The following ARID1A variants were observed in gnomAD, a reference collection of about 807,000 sequenced individuals.
ARID1A encodes the protein AT-rich interactive domain-containing protein 1A.
Under a neutral mutation model 212.6 loss-of-function variants are expected in ARID1A, and 20 were observed. The ratio of observed to expected loss-of-function variants is 0.09; its 90% CI spans 0.07 to 0.14. The LOEUF (loss-of-function observed/expected upper bound fraction) is 0.14, where lower values mean the gene tolerates loss of function less well. Among genes scored for constraint, ARID1A ranks in the 10% least tolerant of loss-of-function variants. The pLI is 1.00. For missense variants in ARID1A, 2,587 were observed against 3,059.0 expected (o/e 0.85, Z 3.64); for synonymous variants, 1,376 against 1,222.1 (o/e 1.13, Z -2.63).
intron 1 of ARID1A, among the ~76,000 whole-genome samples, chr1:26,714,100 C>G (rs932301531): frequency 6.6e-6 from 1 of 152,138 alleles, no homozygotes; most frequent in African/African-American, 2.4e-5. Context: ...TTTAGAATGC[C>G]AAGTGTCCAT....
intron 1 of ARID1A, among the ~76,000 whole-genome samples, chr1:26,706,328 C>T (rs1298790801): frequency 1.3e-5 from 2 of 152,140 alleles, no homozygotes; most frequent in Non-Finnish European, 1.5e-5. Context: ...TAAACTTGTT[C>T]GTTTTCAGCT....
At chr1:26,777,256 C>T (rs1399648121) in intron 19 of ARID1A, among the ~76,000 whole-genome samples, 1 of 151,936 alleles carries the variant, frequency 6.6e-6, no homozygotes, top group Non-Finnish European at 1.5e-5. Context: ...ACAGGGTCTC[C>T]ATTACTCAAG....
intron 1 of ARID1A, among the ~76,000 whole-genome samples, chr1:26,711,114 C>CTT (rs572779178): frequency 6.9e-6 from 1 of 144,464 alleles, no homozygotes; most frequent in Non-Finnish European, 1.5e-5. Flanking sequence ...GTCTCTTGCT[C>CTT]TTTTTTTTTT....
In ARID1A at chr1:26,696,301, G is replaced by A. The variant is rs2080250411; in HGVS notation, c.-103G>A. 2.5e-6 allele frequency: 3 copies of A among 1,183,796 alleles called. No individual in the cohort carries two copies. The highest frequency in any genetic ancestry group is 6.6e-4 in the Middle Eastern group (2 of 3,040). The allele number at this position is 1,183,796 out of a possible 1,614,324, so 73.3% of individuals were successfully genotyped here. Reference sequence around the variant, plus strand: ...GAGCCCCGCGAGGCCCGCCCGGGCGGGTGGGGAGGGCAGCCCGGGGGACTG... The same window carrying A: ...GAGCCCCGCGAGGCCCGCCCGGGCGAGTGGGGAGGGCAGCCCGGGGGACTG... On this transcript the variant is annotated 5_prime_UTR_variant, in exon 1 of 20. Transcript: ENST00000324856.
At chr1:26,714,781 G>T (rs940998390) in intron 1 of ARID1A, among the ~76,000 whole-genome samples, 3 of 152,186 alleles carry the variant, frequency 2.0e-5, no homozygotes, top group Non-Finnish European at 4.4e-5. Flanking sequence ...GCCTGCTATA[G>T]TTCAGAGTGG....
intron 1 of ARID1A, among the ~76,000 whole-genome samples, chr1:26,705,063 A>G (rs2080375568): frequency 6.6e-6 from 1 of 152,012 alleles, no homozygotes; most frequent in South Asian, 2.1e-4. Flanking sequence ...GATGCATGGC[A>G]TGTCCAGTGC....
rs567246585 is a variant in ARID1A at position 26,696,875 on chromosome 1, C to T, written c.472C>T (p.Pro158Ser). ...YGFGQPYGRS[P>S]SAVAAAAAAV... ...CTTCGGGCAACCCTACGGCCGGAGC[C>T]CGTCTGCCGTCGCCGCCGCCGCGGC... The change falls in exon 1 of 20, where the codon CCG becomes TCG. Residue 158 changes from proline to serine, a missense_variant. By Grantham distance (74) the Pro-to-Ser change is moderately conservative. Transcript: ENST00000324856. 1.4e-3 allele frequency: 1,863 copies of T among 1,360,252 alleles called. 1 individual carries two copies. The highest frequency in any genetic ancestry group is 1.7e-3 in the Non-Finnish European group (1,760 of 1,057,894). The allele number at this position is 1,360,252 out of a possible 1,614,324, so 84.3% of individuals were successfully genotyped here. A position where few individuals can be genotyped will look rare whatever the true frequency, so the allele number is the denominator to read the frequency against.
At chr1:26,742,044 A>T (rs771809082) in intron 4 of ARID1A, among the ~76,000 whole-genome samples, 13 of 152,346 alleles carry the variant, frequency 8.5e-5, no homozygotes, top group Non-Finnish European at 1.5e-4. Context: ...TGAAAAACCA[A>T]GGGTCAGAAT....
At chr1:26,770,959 C>G in intron 11 of ARID1A, 160 bp from the exon 12 acceptor site, 1 of 645,616 alleles carries the variant, frequency 1.5e-6, no homozygotes, top group Non-Finnish European at 2.7e-6. Context: ...AGATTTAACA[C>G]TTCTTGTGGA....
intron 2 of ARID1A, among the ~76,000 whole-genome samples, chr1:26,730,570 G>T (rs547926647): frequency 1.1e-3 from 166 of 152,292 alleles, no homozygotes; most frequent in Non-Finnish European, 1.7e-3. Context: ...GAGGAGAGAT[G>T]AGGTAATTTT....
At chr1:26,760,765 T>A (rs2080983853) in intron 4 of ARID1A, 91 bp from the exon 5 acceptor site, 2 of 1,392,208 alleles carry the variant, frequency 1.4e-6, no homozygotes, top group Non-Finnish European at 2.0e-6. Context: ...CTTGGTTGTT[T>A]AAGGAAAATG....
intron 4 of ARID1A, among the ~76,000 whole-genome samples, chr1:26,760,650 T>C (rs1423670430): frequency 1.3e-5 from 2 of 152,108 alleles, no homozygotes; most frequent in South Asian, 4.2e-4. Context: ...GACGTGCCAT[T>C]GCACTCCAGC....
chr1:26,705,729 C>G (rs960760964), intron 1 of ARID1A, among the ~76,000 whole-genome samples: 1 of 152,170 alleles, frequency 6.6e-6, no homozygotes, highest in Non-Finnish European at 1.5e-5. Flanking sequence ...GAAATTACCC[C>G]TCCTCTCCAT....
Position 26,773,827 on chromosome 1 carries a change from T to C in ARID1A, c.4030T>C (p.Ser1344Pro), listed in dbSNP as rs1015375693. ...ACATGATTCCTATGGCAATCAGTTC[T>C]CCACCCAAGGCACCCCTTCTGGCAG... is the stretch of plus-strand genomic sequence containing the variant. ...QRHDSYGNQF[S>P]TQGTPSGSPF... is the part of the protein sequence containing the mutation. Residue 1344 changes from serine to proline, a missense_variant, in exon 17 of 20, where the codon TCC becomes CCC. By Grantham distance (74) the Ser-to-Pro change is moderately conservative. Around this residue, in one of 11 missense-constraint regions of ARID1A, gnomAD observed 890 missense variants for 1,098.2 expected, o/e 0.81. Coordinates refer to ENST00000324856, the MANE Select transcript of ARID1A (RefSeq NM_006015.6). 2 of 1,613,922 alleles carry C rather than the reference T, an allele frequency of 1.2e-6. No homozygotes were observed. Among genetic ancestry groups the C allele is most frequent in the Admixed American group, 3.3e-5 (2 of 59,994 alleles).
intron 11 of ARID1A, chr1:26,770,859 C>A: frequency 2.1e-6 from 1 of 472,844 alleles, no homozygotes; most frequent in Non-Finnish European, 3.7e-6. Context: ...GAATTCTGTT[C>A]CAGTAGTAAT....
chr1:26,763,258 A>G lies in ARID1A; in HGVS notation c.2705A>G (p.His902Arg). Reference protein sequence around the residue: ...RKTQETAVAMHVAANSIQNRP... With the variant: ...RKTQETAVAMRVAANSIQNRP... ...ACCCAAGAAACTGCTGTCGCCATGCATGTTGCTGCCAACTCTATCCAAAAC... is the reference window on the plus strand; with the variant it reads ...ACCCAAGAAACTGCTGTCGCCATGCGTGTTGCTGCCAACTCTATCCAAAAC... The change falls in exon 8 of 20, where the codon CAT (histidine) becomes CGT (arginine). Residue 902 changes from histidine to arginine, a missense_variant. Physicochemically the swap from His to Arg is conservative, Grantham distance 29. This residue lies in a region of ARID1A where 674 missense variants were observed against 813.4 expected (regional missense o/e 0.83). Coordinates refer to ENST00000324856, the MANE Select transcript of ARID1A (RefSeq NM_006015.6). 6.2e-7 allele frequency: 1 copy of G among 1,610,454 alleles called. No homozygotes were observed. The highest frequency in any genetic ancestry group is 8.5e-7 in the Non-Finnish European group (1 of 1,177,304).
At chr1:26,697,665 A>G (rs1294146502) in intron 1 of ARID1A, 125 bp downstream of exon 1, 4 of 955,412 alleles carry the variant, frequency 4.2e-6, no homozygotes, top group South Asian at 4.3e-5. Context: ...GGGAGCTGCC[A>G]TTGTCTGGCT....
intron 1 of ARID1A, among the ~76,000 whole-genome samples, chr1:26,719,086 G>A (rs1485615436): frequency 6.6e-6 from 1 of 152,100 alleles, no homozygotes; most frequent in Non-Finnish European, 1.5e-5. Flanking sequence ...ATAGGGACAG[G>A]AATTGCCAGG....
chr1:26,697,934 C>G (rs1321304773), intron 1 of ARID1A, among the ~76,000 whole-genome samples: 2 of 152,224 alleles, frequency 1.3e-5, no homozygotes, highest in East Asian at 3.9e-4. Context: ...CGTTTCTTTG[C>G]TCACCTGCCG....
Sources: gnomAD v4.1 joint callset for allele counts (sites outside exome capture counted in the v4.1 genomes callset) on GRCh38, gnomAD v4.1.1 for gene constraint, gnomAD v4.1.1 regional missense constraint, MANE v1.5 for transcripts, NCBI Gene and HGNC (gene_info 2026-07-23, HGNC 2026-07-21) for gene names.